LRCH4: variants seen among roughly 807,000 people sequenced by gnomAD.
LRCH4 encodes the protein leucine-rich repeat and calponin homology domain-containing protein 4.
A neutral mutation model predicts 81.2 loss-of-function variants in LRCH4; 56 were observed. That is an observed-to-expected ratio of 0.69 (90% confidence interval 0.56 to 0.86). The LOEUF (loss-of-function observed/expected upper bound fraction) is 0.86. Ranked by LOEUF, LRCH4 falls within the 40% of genes least tolerant of loss-of-function variation. LRCH4 has a pLI of 0.00. For synonymous variants in LRCH4, 442 were observed against 409.7 expected, an observed-to-expected ratio of 1.08 and a Z score of -0.95; for missense variants, 895 against 922.8, an observed-to-expected ratio of 0.97 and a Z score of 0.39.
At chr7:100,584,330 G>A in intron 1 of LRCH4, 1 of 425,750 alleles carries the variant, frequency 2.3e-6, no homozygotes, top group Non-Finnish European at 4.8e-6. Context: ...AGAGAGTGGG[G>A]CAGAGGAGGG....
At position 100,575,352 on chromosome 7, in the gene LRCH4, C is replaced by T; in HGVS notation, c.1855-48G>A. On this transcript the variant is annotated intron_variant, in intron 17 of 17. Coordinates refer to ENST00000310300, the MANE Select transcript of LRCH4 (RefSeq NM_002319.5). The surrounding 1 kb of genome is among the most constrained non-coding windows in gnomAD (Gnocchi z 5.3). ...GACAAGGACAAGGGACAGACGTCAG[C>T]AGCAGCAGCAGGACAGTCCCTCCCA... 1 of 1,470,884 alleles carries T rather than the reference C, an allele frequency of 6.8e-7. No individual in the cohort carries two copies. Among genetic ancestry groups the T allele is most frequent in the Non-Finnish European group, 9.2e-7 (1 of 1,092,340 alleles). 91.1% of individuals were successfully genotyped at this position (1,470,884 alleles called of 1,614,324 possible).
chr7:100,577,048 G>T lies in LRCH4; in HGVS notation c.1364+38C>A. ...GGAATTAGAGGGATGATGGTCATAG[G>T]AAGAGGAGTGGGGAGGGGATGCTGG... On this transcript the variant is annotated intron_variant, in intron 12 of 17. Transcript: ENST00000310300. The surrounding 1 kb of genome is among the most constrained non-coding windows in gnomAD (Gnocchi z 6.7). The T allele has an allele frequency of 6.2e-7, 1 of 1,614,066 alleles. No homozygotes were observed. Among genetic ancestry groups the T allele is most frequent in the African/African-American group, 1.3e-5 (1 of 75,062 alleles).
In LRCH4 at chr7:100,577,203, A is replaced by T. The variant is rs1226208728; in HGVS notation, c.1296-49T>A. 19 of 1,611,194 alleles carry T rather than the reference A, an allele frequency of 1.2e-5. No homozygotes were observed. The South Asian group carries it at 1.3e-4, about 11-fold the overall frequency. On this transcript the variant is annotated intron_variant, in intron 11 of 17. Transcript: ENST00000310300. The surrounding 1 kb of genome is among the most constrained non-coding windows in gnomAD (Gnocchi z 6.7). ...AGCTAGCCCCAAGGCAGAACGGCTCAGCGGGGCTCGGTGGCCCCATTTCCA... is the reference window on the plus strand; with the variant it reads ...AGCTAGCCCCAAGGCAGAACGGCTCTGCGGGGCTCGGTGGCCCCATTTCCA...
intron 1 of LRCH4, among the ~76,000 whole-genome samples, chr7:100,585,677 G>A (rs1432845679): frequency 2.0e-5 from 3 of 152,156 alleles, no homozygotes; most frequent in African/African-American, 4.8e-5. Flanking sequence ...GGCGCAGGGC[G>A]TTCTGTGCAA....
At chr7:100,576,861 C>G (rs1407877697) in intron 13 of LRCH4, 41 bp downstream of exon 13, 2 of 1,538,696 alleles carry the variant, frequency 1.3e-6, no homozygotes, top group Non-Finnish European at 1.8e-6. Context: ...CCAGCCCTCA[C>G]CAACACAGGC....
intron 15 of LRCH4, 26 bp downstream of exon 15, chr7:100,576,212 C>G (rs779171665): frequency 9.9e-6 from 16 of 1,609,566 alleles, no homozygotes; most frequent in Non-Finnish European, 1.3e-5. Flanking sequence ...CAGGCCCCTG[C>G]CCACGCAGCT....
intron 4 of LRCH4, chr7:100,580,393 TCATA>T (rs1279121416): frequency 7.3e-6 from 1 of 137,334 alleles, no homozygotes; most frequent in Non-Finnish European, 1.6e-5. Flanking sequence ...AACACAGGAA[TCATA>T]CACACATCAC....
intron 1 of LRCH4, among the ~76,000 whole-genome samples, chr7:100,584,398 C>A (rs1801655144): frequency 6.6e-6 from 1 of 151,846 alleles, no homozygotes; most frequent in South Asian, 2.1e-4. Flanking sequence ...ACGGCTGCAC[C>A]CTGAGCCGGA....
Position 100,577,235 on chromosome 7 carries a change from A to G in LRCH4, c.1295+38T>C. The stretch of plus-strand genomic sequence containing the variant: ...CTCGGTGGCCCCATTTCCAGGGCTC[A>G]GTGTCCAGCAACAGCCCCGGGCGGC... On this transcript the variant is annotated intron_variant, in intron 11 of 17. Transcript: ENST00000310300. This position sits in a 1 kb window ranked among gnomAD's most constrained non-coding sequence, Gnocchi z 6.7. 1 of 1,606,590 alleles carries G rather than the reference A, an allele frequency of 6.2e-7. No individual in the cohort carries two copies. The highest frequency in any genetic ancestry group is 1.1e-5 in the South Asian group (1 of 91,028).
chr7:100,574,777 G>C lies in LRCH4; in HGVS notation c.*330C>G, dbSNP rs912566471. 11 of 293,808 alleles carry C rather than the reference G, an allele frequency of 3.7e-5. No homozygotes were observed. The highest frequency in any genetic ancestry group is 6.4e-5 in the African/African-American group (3 of 46,830). The allele number at this position is 293,808 out of a possible 1,614,324, so 18.2% of individuals were successfully genotyped here. A position where few individuals can be genotyped will look rare whatever the true frequency, so the allele number is the denominator to read the frequency against. On this transcript the variant is annotated 3_prime_UTR_variant, in exon 18 of 18. Coordinates refer to ENST00000310300, the MANE Select transcript of LRCH4 (RefSeq NM_002319.5). The stretch of plus-strand genomic sequence containing the variant: ...TTAGCCCCCCCATAGCAGCTGTTGG[G>C]GGGGGAAGGGGAGGGCACAGGAGGA...
chr7:100,574,783 A>C lies in LRCH4; in HGVS notation c.*324T>G. On this transcript the variant is annotated 3_prime_UTR_variant, in exon 18 of 18. Transcript: ENST00000310300. ...CCCCCATAGCAGCTGTTGGGGGGGG[A>C]AGGGGAGGGCACAGGAGGAAGGGGG... 1 of 284,096 alleles carries C rather than the reference A, an allele frequency of 3.5e-6. No individual in the cohort carries two copies. Among genetic ancestry groups the C allele is most frequent in the Non-Finnish European group, 6.6e-6 (1 of 150,482 alleles). The allele number at this position is 284,096 out of a possible 1,614,324, so 17.6% of individuals were successfully genotyped here. A position where few individuals can be genotyped will look rare whatever the true frequency, so the allele number is the denominator to read the frequency against.
In LRCH4 at chr7:100,581,798, G is replaced by T. The variant is rs761421119; in HGVS notation, c.577C>A (p.Gln193Lys). 6.2e-7 allele frequency: 1 copy of T among 1,614,210 alleles called. No homozygotes were observed. The highest frequency in any genetic ancestry group is 8.5e-7 in the Non-Finnish European group (1 of 1,180,020). Reference protein sequence around the residue: ...SLRDLNVRRNQLSTLPEELGD... With the variant: ...SLRDLNVRRNKLSTLPEELGD... ...TCACCTTCGGGCAGCGTACTGAGCT[G>T]GTTCCTCCGGACATTGAGGTCCCGC... The change falls in exon 4 of 18, where the codon CAG becomes AAG. Residue 193 changes from glutamine (Q) to lysine (K), a missense_variant. This residue lies in a region of LRCH4 where 360 missense variants were observed against 397.0 expected (regional missense o/e 0.91). Transcript: ENST00000310300.
At chr7:100,581,924 C>A (rs1801572009) in intron 3 of LRCH4, 42 bp from the exon 4 acceptor site, 1 of 1,611,158 alleles carries the variant, frequency 6.2e-7, no homozygotes, top group Non-Finnish European at 8.5e-7. Flanking sequence ...TGAGACCAGG[C>A]CCAGCAGAAC....
Position 100,582,819 on chromosome 7 carries a change from C to T in LRCH4, c.221-360G>A, listed in dbSNP as rs1275699453. ...GAGGACCGAAGGTGAGAGGAGGGGT[C>T]AGTGCTCATGGGAAAACAGTAAGGC... On this transcript the variant is annotated intron_variant, in intron 1 of 17. Transcript: ENST00000310300. The surrounding 1 kb of genome is among the most constrained non-coding windows in gnomAD (Gnocchi z 5.0). Among the ~76,000 whole-genome samples the T allele has an allele frequency of 6.6e-6, 1 of 152,120 alleles. No individual in the cohort carries two copies. The highest frequency in any genetic ancestry group is 1.5e-5 in the Non-Finnish European group (1 of 68,020).
chr7:100,578,057 G>T lies in LRCH4; in HGVS notation c.948+102C>A. 1 of 1,340,380 alleles carries T rather than the reference G, an allele frequency of 7.5e-7. No homozygotes were observed. The highest frequency in any genetic ancestry group is 1.1e-6 in the Non-Finnish European group (1 of 944,652). The allele number at this position is 1,340,380 out of a possible 1,614,324, so 83.0% of individuals were successfully genotyped here. ...CTGGGCAGAGGGAAGGAAGAGGACA[G>T]CTCCAGCCTCTGCCTGGCACCCTGC... On this transcript the variant is annotated intron_variant, in intron 7 of 17. Transcript: ENST00000310300. This position sits in a 1 kb window ranked among gnomAD's most constrained non-coding sequence, Gnocchi z 5.7.
chr7:100,575,439 A>G lies in LRCH4; in HGVS notation c.1855-135T>C. The G allele has an allele frequency of 4.5e-6, 4 of 896,140 alleles. No homozygotes were observed. Among genetic ancestry groups the G allele is most frequent in the Non-Finnish European group, 7.1e-6 (4 of 566,444 alleles). 55.5% of individuals were successfully genotyped at this position (896,140 alleles called of 1,614,324 possible). ...ACATGCTGACGTGCTGGGCAGGGGG[A>G]GTGCAGTGCAGGAGGAGTGCAGGGC... On this transcript the variant is annotated intron_variant, in intron 17 of 17. Coordinates refer to ENST00000310300, the MANE Select transcript of LRCH4 (RefSeq NM_002319.5). The surrounding 1 kb of genome is among the most constrained non-coding windows in gnomAD (Gnocchi z 5.3).
chr7:100,581,622 A>T (rs375698815), intron 4 of LRCH4, 155 bp downstream of exon 4: 1 of 637,030 alleles, frequency 1.6e-6, no homozygotes. Flanking sequence ...CTGACCATGG[A>T]AGCACCCAGA....
chr7:100,583,907 G>A lies in LRCH4; in HGVS notation c.221-1448C>T. The A allele has an allele frequency of 3.3e-6, 1 of 300,822 alleles. No homozygotes were observed. Among genetic ancestry groups the A allele is most frequent in the Non-Finnish European group, 6.8e-6 (1 of 148,122 alleles). 18.6% of individuals were successfully genotyped at this position (300,822 alleles called of 1,614,324 possible). ...GCGGTGGCGGGGACAAAAGCTAGGA[G>A]CGGAAGGGAGCTCAGGCAGGAGGCA... On this transcript the variant is annotated intron_variant, in intron 1 of 17. Coordinates refer to ENST00000310300, the MANE Select transcript of LRCH4 (RefSeq NM_002319.5). This position sits in a 1 kb window ranked among gnomAD's most constrained non-coding sequence, Gnocchi z 4.3.
chr7:100,578,677 G>A lies in LRCH4; in HGVS notation c.708C>T (p.Ser236=), dbSNP rs775420067. 2 of 1,614,202 alleles carry A rather than the reference G, an allele frequency of 1.2e-6. No individual in the cohort carries two copies. Among genetic ancestry groups the A allele is most frequent in the Non-Finnish European group, 1.7e-6 (2 of 1,180,024 alleles). ...GGGCAGGTGGACTCTGCAGAGGGTT[G>A]CTGTCCAGCAGAATGACCTGCAGGT... is the stretch of plus-strand genomic sequence containing the variant. ...LRHLQVILLD[S]NPLQSPPAQV... The change falls in exon 5 of 18, where the codon AGC becomes AGT. Residue 236 remains serine (S), a synonymous_variant. Transcript: ENST00000310300. This position sits in a 1 kb window ranked among gnomAD's most constrained non-coding sequence, Gnocchi z 5.7.
Sources: allele counts gnomAD v4.1 joint callset (sites outside exome capture counted in the v4.1 genomes callset), GRCh38; gene constraint gnomAD v4.1.1; regional missense constraint gnomAD v4.1.1; non-coding constraint Gnocchi (gnomAD v3.1); transcripts MANE v1.5; gene names NCBI Gene and HGNC (gene_info 2026-07-23, HGNC 2026-07-21).